Variants in CXXC5 observed in about 807,000 individuals in gnomAD.
CXXC5 encodes the protein CXXC-type zinc finger protein 5.
CXXC5 carries 2 observed loss-of-function variants against 17.6 expected under a neutral mutation model. The ratio of observed to expected loss-of-function variants is 0.11; its 90% CI spans 0.05 to 0.36. CXXC5 has a LOEUF of 0.36. CXXC5 is among the 10% of genes least tolerant of loss of function. CXXC5 has a pLI of 1.00. For synonymous variants in CXXC5, 171 were observed against 193.0 expected, an observed-to-expected ratio of 0.89 and a Z score of 0.94; for missense variants, 343 against 458.3, an observed-to-expected ratio of 0.75 and a Z score of 2.30.
In CXXC5 at chr5:139,658,657, A is replaced by C. The variant is rs886565722; in HGVS notation, c.-161+9812A>C. Among the ~76,000 whole-genome samples the C allele has an allele frequency of 2.0e-5, 3 of 152,236 alleles. No individual in the cohort carries two copies. Among genetic ancestry groups the C allele is most frequent in the African/African-American group, 4.8e-5 (2 of 41,558 alleles). On this transcript the variant is annotated intron_variant, in intron 1 of 2. Transcript: ENST00000302517. This position sits in a 1 kb window ranked among gnomAD's most constrained non-coding sequence, Gnocchi z 4.1. ...TCCCGAGGCACCAGCGTGAGGAGGAAATGCAGGCTGTTGCTTCCAGCAACA... is the reference window on the plus strand; with the variant it reads ...TCCCGAGGCACCAGCGTGAGGAGGACATGCAGGCTGTTGCTTCCAGCAACA...
rs116665693 is a variant in CXXC5 at position 139,651,604 on chromosome 5, G to A, written c.-161+2759G>A. 9.1e-3 allele frequency among the ~76,000 whole-genome samples: 1,379 copies of A among 152,264 alleles called. 13 individuals are homozygous for A. Among genetic ancestry groups the A allele is most frequent in the Middle Eastern group, 0.041 (12 of 294 alleles). ...GTATCTGGGTGAAGAAACAAGTCCA[G>A]GGGAATGAAATACCCTGCCTTCTTC... On this transcript the variant is annotated intron_variant, in intron 1 of 2. Coordinates refer to ENST00000302517, the MANE Select transcript of CXXC5 (RefSeq NM_016463.9).
rs1031109273 is a variant in CXXC5, at chr5:139,658,383, T to C, written c.-161+9538T>C. Reference sequence around the variant, plus strand: ...AATGGTCATGTTTCAGTCTCCTTGTTTGATGCTAGGGGACACTGAAGCTCT... The same window carrying C: ...AATGGTCATGTTTCAGTCTCCTTGTCTGATGCTAGGGGACACTGAAGCTCT... On this transcript the variant is annotated intron_variant, in intron 1 of 2. Coordinates refer to ENST00000302517, the MANE Select transcript of CXXC5 (RefSeq NM_016463.9). The surrounding 1 kb of genome is among the most constrained non-coding windows in gnomAD (Gnocchi z 4.1). 2.0e-5 allele frequency among the ~76,000 whole-genome samples: 3 copies of C among 152,304 alleles called. No homozygotes were observed. The highest frequency in any genetic ancestry group is 2.9e-5 in the Non-Finnish European group (2 of 68,018).
Position 139,680,979 on chromosome 5 carries a change from G to T in CXXC5, c.456G>T (p.Thr152=). 2 of 1,602,726 alleles carry T rather than the reference G, an allele frequency of 1.2e-6. No individual in the cohort carries two copies. Among genetic ancestry groups the T allele is most frequent in the Non-Finnish European group, 1.7e-6 (2 of 1,179,934 alleles). The change falls in exon 2 of 3, where the codon ACG becomes ACT. Residue 152 remains threonine (T), a synonymous_variant. Coordinates refer to ENST00000302517, the MANE Select transcript of CXXC5 (RefSeq NM_016463.9). The part of the protein sequence containing the change: ...ASLLSKAERA[T]ELAAEGQLTL... Reference sequence around the variant, plus strand: ...TGCTGAGCAAGGCAGAGCGGGCCACGGAGCTGGCAGCCGAGGGACAGCTGA... The same window carrying T: ...TGCTGAGCAAGGCAGAGCGGGCCACTGAGCTGGCAGCCGAGGGACAGCTGA...
At chr5:139,680,237 G>T (rs1231099670) in intron 1 of CXXC5, 127 bp from the exon 2 acceptor site, 1 of 505,512 alleles carries the variant, frequency 2.0e-6, no homozygotes, top group East Asian at 3.4e-5. Flanking sequence ...GATGGATCTG[G>T]TGCTTAATAA....
chr5:139,652,993 TC>T, intron 1 of CXXC5, among the ~76,000 whole-genome samples: 1 of 152,324 alleles, frequency 6.6e-6, no homozygotes, highest in African/African-American at 2.4e-5. Flanking sequence ...GGCTATGTTT[TC>T]CTTTCTCTTT....
At chr5:139,652,418 A>AC (rs1228496977) in intron 1 of CXXC5, among the ~76,000 whole-genome samples, 6 of 151,754 alleles carry the variant, frequency 4.0e-5, no homozygotes, top group Non-Finnish European at 8.8e-5. Flanking sequence ...ATGAGAAAGG[A>AC]CTGCCCCCTA....
chr5:139,650,119 G>A (rs1270604449), intron 1 of CXXC5, among the ~76,000 whole-genome samples: 2 of 152,226 alleles, frequency 1.3e-5, no homozygotes, highest in East Asian at 3.8e-4. Flanking sequence ...GGGGTGCGCG[G>A]AGTTGGGCTG....
At chr5:139,682,779 C>A in intron 2 of CXXC5, 84 bp from the exon 3 acceptor site, 1 of 1,359,630 alleles carries the variant, frequency 7.4e-7, no homozygotes, top group South Asian at 1.5e-5. Flanking sequence ...GCCATGAGGC[C>A]ATCCATGGGG....
At chr5:139,651,463 G>A (rs1755174344) in intron 1 of CXXC5, among the ~76,000 whole-genome samples, 1 of 152,200 alleles carries the variant, frequency 6.6e-6, no homozygotes, top group Non-Finnish European at 1.5e-5. Context: ...ACAGGCCCAT[G>A]TTCCATGGGT....
At position 139,661,500 on chromosome 5, in the gene CXXC5, G is replaced by T. The variant is rs1755809967; in HGVS notation, c.-161+12655G>T. Among the ~76,000 whole-genome samples the T allele has an allele frequency of 6.6e-6, 1 of 152,252 alleles. No individual in the cohort carries two copies. The highest frequency in any genetic ancestry group is 2.4e-5 in the African/African-American group (1 of 41,528). On this transcript the variant is annotated intron_variant, in intron 1 of 2. Transcript: ENST00000302517. This position sits in a 1 kb window ranked among gnomAD's most constrained non-coding sequence, Gnocchi z 4.7. ...GTGGTGCTCCAGAAGCACACTCACG[G>T]TTCCAGCCACAGCCCAGCCTCTGGC... is the stretch of plus-strand genomic sequence containing the variant.
chr5:139,658,900 G>A lies in CXXC5; in HGVS notation c.-161+10055G>A, dbSNP rs745582749. ...GTCATCTAGAGCAGCCTAGCTGGGC[G>A]TTTGAACCCAGAACACTGAGAGATT... On this transcript the variant is annotated intron_variant, in intron 1 of 2. Coordinates refer to ENST00000302517, the MANE Select transcript of CXXC5 (RefSeq NM_016463.9). This position sits in a 1 kb window ranked among gnomAD's most constrained non-coding sequence, Gnocchi z 4.1. Among the ~76,000 whole-genome samples the A allele has an allele frequency of 7.9e-5, 12 of 152,226 alleles. No homozygotes were observed. Among genetic ancestry groups the A allele is most frequent in the Non-Finnish European group, 1.5e-4 (10 of 68,040 alleles).
At position 139,682,877 on chromosome 5, in the gene CXXC5, G is replaced by T. The variant is rs369810175; in HGVS notation, c.939G>T (p.Pro313=). 3.1e-5 allele frequency: 49 copies of T among 1,594,280 alleles called. No individual in the cohort carries two copies. Among genetic ancestry groups the T allele is most frequent in the Non-Finnish European group, 4.0e-5 (47 of 1,170,312 alleles). The change falls in exon 3 of 3, where the codon CCG becomes CCT. Residue 313 remains proline, a synonymous_variant. Coordinates refer to ENST00000302517, the MANE Select transcript of CXXC5 (RefSeq NM_016463.9). ...PSAALEKVML[P]TGAAFRWFQ is the part of the protein sequence containing the mutation. ...GCCCCCGCCAGAAGGTGATGCTTCC[G>T]ACGGGAGCCGCCTTCCGGTGGTTTC...
intron 1 of CXXC5, among the ~76,000 whole-genome samples, chr5:139,672,835 C>T (rs1055700355): frequency 6.6e-6 from 1 of 152,200 alleles, no homozygotes; most frequent in Non-Finnish European, 1.5e-5. Flanking sequence ...GAGCCACAAA[C>T]CTAGGCCTCA....
intron 1 of CXXC5, among the ~76,000 whole-genome samples, chr5:139,672,240 C>T (rs1756516261): frequency 6.6e-6 from 1 of 152,184 alleles, no homozygotes; most frequent in Admixed American, 6.5e-5. Flanking sequence ...GCCTCAGCCT[C>T]CCGAGTAGCT....
rs1289018313 is a variant in CXXC5, at chr5:139,668,509, C to T, written c.-160-11855C>T. ...TCCAGGCCCGCTGCCCGCTCCAGGC[C>T]CGAGGTGATGGCGGCTGTTCCTGCC... On this transcript the variant is annotated intron_variant, in intron 1 of 2. Coordinates refer to ENST00000302517, the MANE Select transcript of CXXC5 (RefSeq NM_016463.9). The surrounding 1 kb of genome is among the most constrained non-coding windows in gnomAD (Gnocchi z 4.1). Among the ~76,000 whole-genome samples, 2 of 152,116 alleles carry T rather than the reference C, an allele frequency of 1.3e-5. No homozygotes were observed. The highest frequency in any genetic ancestry group is 1.5e-5 in the Non-Finnish European group (1 of 67,994).
At chr5:139,673,016 A>G (rs965349882) in intron 1 of CXXC5, among the ~76,000 whole-genome samples, 4 of 152,134 alleles carry the variant, frequency 2.6e-5, no homozygotes, top group Non-Finnish European at 5.9e-5. Context: ...GCCCATCAGT[A>G]GGGAGGTCCT....
chr5:139,660,420 C>G (rs1180944325), intron 1 of CXXC5, among the ~76,000 whole-genome samples: 1 of 152,214 alleles, frequency 6.6e-6, no homozygotes, highest in Non-Finnish European at 1.5e-5. Flanking sequence ...ATTGCCCGGC[C>G]TGGGCAAGGA....
intron 1 of CXXC5, among the ~76,000 whole-genome samples, chr5:139,671,089 G>A (rs2126793967): frequency 6.6e-6 from 1 of 152,346 alleles, no homozygotes; most frequent in Non-Finnish European, 1.5e-5. Flanking sequence ...TGTGTCCAGG[G>A]AGCCTCGGAG....
rs954112726 is a variant in CXXC5, at chr5:139,660,219, G to C, written c.-161+11374G>C. 9.8e-5 allele frequency among the ~76,000 whole-genome samples: 15 copies of C among 152,346 alleles called. No homozygotes were observed. In the East Asian group the frequency reaches 2.5e-3, roughly 25 times the overall value. On this transcript the variant is annotated intron_variant, in intron 1 of 2. Coordinates refer to ENST00000302517, the MANE Select transcript of CXXC5 (RefSeq NM_016463.9). The stretch of plus-strand genomic sequence containing the variant: ...TGATAATAGCTCTGACACGGGGAAG[G>C]GGGTGCCTTGTCGAGGGCCTGCAGG...
Sources: gnomAD v4.1 joint callset for allele counts (sites outside exome capture counted in the v4.1 genomes callset) on GRCh38, gnomAD v4.1.1 for gene constraint, Gnocchi (gnomAD v3.1) non-coding constraint, MANE v1.5 for transcripts, NCBI Gene and HGNC (gene_info 2026-07-23, HGNC 2026-07-21) for gene names.